Variants in PLCL1 observed in about 807,000 individuals in gnomAD.
PLCL1 encodes phospholipase C like 1 (inactive).
In PLCL1, 41 loss-of-function variants were observed where a neutral mutation model predicts 84.4. The ratio of observed to expected loss-of-function variants is 0.49; its 90% CI spans 0.38 to 0.63. The LOEUF is 0.63. Ranked by LOEUF, PLCL1 falls within the 30% of genes least tolerant of loss-of-function variation. The pLI is 0.00. For synonymous variants in PLCL1, 490 were observed against 488.3 expected (o/e 1.00, Z -0.05); for missense variants, 1,206 against 1,367.8 (o/e 0.88, Z 1.87).
intron 1 of PLCL1, among the ~76,000 whole-genome samples, chr2:197,973,015 A>G (rs1485919379): frequency 1.3e-5 from 2 of 152,274 alleles, no homozygotes; most frequent in East Asian, 3.9e-4. Context: ...AGACAGCAAT[A>G]TTCTCCCCCT....
At chr2:198,081,912 A>G (rs1692723032) in intron 1 of PLCL1, among the ~76,000 whole-genome samples, 1 of 152,196 alleles carries the variant, frequency 6.6e-6, no homozygotes, top group Non-Finnish European at 1.5e-5. Flanking sequence ...GGTCCAGACT[A>G]CTTTGGTTAT....
chr2:197,961,260 A>AGAGAGAGAGAGAGAGAGAGAGAGAGC (rs1559057212), intron 1 of PLCL1, among the ~76,000 whole-genome samples: 10 of 151,812 alleles, frequency 6.6e-5, no homozygotes, highest in African/African-American at 2.4e-4. Flanking sequence ...AGAGAGAGAG[A>AGAGAGAGAGAGAGAGAGAGAGAGAGC]GAGAGAGCGA....
chr2:197,964,791 T>C (rs1187025757), intron 1 of PLCL1, among the ~76,000 whole-genome samples: 1 of 152,172 alleles, frequency 6.6e-6, no homozygotes, highest in East Asian at 1.9e-4. Context: ...GTTTTTATCA[T>C]GAAGGGATAT....
At chr2:197,861,442 G>A (rs1361149164) in intron 1 of PLCL1, among the ~76,000 whole-genome samples, 9 of 152,066 alleles carry the variant, frequency 5.9e-5, no homozygotes, top group Non-Finnish European at 1.3e-4. Context: ...TTGTAACATC[G>A]TTTTAAATAA....
Position 198,147,203 on chromosome 2 carries a change from A to AGTGTGTGT in PLCL1, c.*265_*272dup, listed in dbSNP as rs55930007. On this transcript the variant is annotated 3_prime_UTR_variant, in exon 6 of 6. Transcript: ENST00000428675. Reference sequence around the variant, plus strand: ...ACCCCTGTGTGGATGCCTGTGGAAGAGTGTGTGTGTGTGTGTGTGTGTGTG... The same window carrying AGTGTGTGT: ...ACCCCTGTGTGGATGCCTGTGGAAGAGTGTGTGTGTGTGTGTGTGTGTGTGTGTGTGTG... 23,011 of 187,256 alleles carry AGTGTGTGT rather than the reference A, an allele frequency of 0.12. 1,520 individuals carry two copies. Among genetic ancestry groups the AGTGTGTGT allele is most frequent in the East Asian group, 0.26 (1,750 of 6,698 alleles). 11.6% of individuals were successfully genotyped at this position (187,256 alleles called of 1,614,324 possible). A position where few individuals can be genotyped will look rare whatever the true frequency, so the allele number is the denominator to read the frequency against.
At chr2:197,843,040 CTG>C (rs747985624) in intron 1 of PLCL1, among the ~76,000 whole-genome samples, 1 of 152,186 alleles carries the variant, frequency 6.6e-6, no homozygotes, top group Non-Finnish European at 1.5e-5. Flanking sequence ...TCCTGCCAAA[CTG>C]TACTGTTTAC....
intron 1 of PLCL1, among the ~76,000 whole-genome samples, chr2:197,820,795 T>G (rs1690800021): frequency 6.6e-6 from 1 of 152,140 alleles, no homozygotes; most frequent in African/African-American, 2.4e-5. Flanking sequence ...AAACTGTGAT[T>G]TAAGTTCTTT....
intron 1 of PLCL1, among the ~76,000 whole-genome samples, chr2:198,051,529 A>G (rs566128935): frequency 2.0e-4 from 31 of 152,232 alleles, no homozygotes; most frequent in Middle Eastern, 3.4e-3. Context: ...ATATCTTCCA[A>G]CCACATTCAT....
chr2:198,133,898 A>G (rs918654390), intron 5 of PLCL1, among the ~76,000 whole-genome samples: 3 of 152,208 alleles, frequency 2.0e-5, no homozygotes, highest in African/African-American at 4.8e-5. Flanking sequence ...TATGTACTGT[A>G]TATCAGATGC....
chr2:198,094,261 C>A (rs1039067814), intron 3 of PLCL1, among the ~76,000 whole-genome samples: 1 of 152,098 alleles, frequency 6.6e-6, no homozygotes, highest in Non-Finnish European at 1.5e-5. Context: ...CAGGGTTTCA[C>A]CATGTTAGCC....
At chr2:197,956,355 G>T (rs1689493811) in intron 1 of PLCL1, among the ~76,000 whole-genome samples, 1 of 152,184 alleles carries the variant, frequency 6.6e-6, no homozygotes. Context: ...TGTCTTTGCT[G>T]TTGTAAATAG....
intron 1 of PLCL1, among the ~76,000 whole-genome samples, chr2:197,986,978 A>G (rs1321129592): frequency 1.3e-5 from 2 of 152,196 alleles, no homozygotes; most frequent in Non-Finnish European, 2.9e-5. Flanking sequence ...AAGGCCATAC[A>G]ACTCTAAAGG....
chr2:197,999,573 A>C (rs1690550869), intron 1 of PLCL1, among the ~76,000 whole-genome samples: 1 of 152,176 alleles, frequency 6.6e-6, no homozygotes, highest in South Asian at 2.1e-4. Flanking sequence ...TTGGACAGAG[A>C]GAAATGTAGA....
intron 1 of PLCL1, among the ~76,000 whole-genome samples, chr2:198,029,357 C>T (rs1691351441): frequency 6.6e-6 from 1 of 152,158 alleles, no homozygotes; most frequent in African/African-American, 2.4e-5. Context: ...TTAGCACAAA[C>T]ATACATTTTC....
intron 1 of PLCL1, among the ~76,000 whole-genome samples, chr2:197,813,372 G>A (rs1690627740): frequency 6.6e-6 from 1 of 152,170 alleles, no homozygotes; most frequent in African/African-American, 2.4e-5. Flanking sequence ...TGGGGATGGA[G>A]GTGAGGGAGT....
chr2:197,905,066 T>A (rs1294556624), intron 1 of PLCL1, among the ~76,000 whole-genome samples: 2 of 152,170 alleles, frequency 1.3e-5, no homozygotes. Context: ...ATTTTTTTTC[T>A]CCTTTTTTAA....
At chr2:198,021,502 G>A (rs1282756313) in intron 1 of PLCL1, among the ~76,000 whole-genome samples, 1 of 149,916 alleles carries the variant, frequency 6.7e-6, no homozygotes, top group African/African-American at 2.4e-5. Flanking sequence ...GATAGCCAGA[G>A]TAATAAAGAA....
intron 1 of PLCL1, among the ~76,000 whole-genome samples, chr2:198,024,345 A>C (rs922955852): frequency 6.6e-6 from 1 of 152,166 alleles, no homozygotes; most frequent in African/African-American, 2.4e-5. Context: ...ATATATACCT[A>C]TGTAACAAAC....
At chr2:197,817,789 T>C (rs899595339) in intron 1 of PLCL1, among the ~76,000 whole-genome samples, 6 of 152,170 alleles carry the variant, frequency 3.9e-5, no homozygotes, top group Non-Finnish European at 7.4e-5. Flanking sequence ...TGGAGTCAGA[T>C]GGGACCATGC....
Sources: gnomAD v4.1 joint callset for allele counts (sites outside exome capture counted in the v4.1 genomes callset) on GRCh38, gnomAD v4.1.1 for gene constraint, MANE v1.5 for transcripts, NCBI Gene and HGNC (gene_info 2026-07-23, HGNC 2026-07-21) for gene names.